Variants in CEP57L1 observed in about 807,000 individuals in gnomAD.
The protein encoded by CEP57L1 is centrosomal protein 57 like 1.
In CEP57L1, 37 loss-of-function variants were observed where a neutral mutation model predicts 61.0. The ratio of observed to expected loss-of-function variants is 0.61; its 90% CI spans 0.47 to 0.80. CEP57L1 has a LOEUF of 0.80. Ranked by LOEUF, CEP57L1 falls within the 30% of genes least tolerant of loss-of-function variation. The pLI is 0.00. For missense variants in CEP57L1, 422 were observed against 524.7 expected (o/e 0.80, Z 1.91); for synonymous variants, 137 against 162.3 (o/e 0.84, Z 1.19).
intron 1 of CEP57L1, among the ~76,000 whole-genome samples, chr6:109,124,431 G>A (rs957137173): frequency 6.6e-6 from 1 of 152,156 alleles, no homozygotes; most frequent in Non-Finnish European, 1.5e-5. Context: ...AAGCAATATA[G>A]TGTGGTGATT....
intron 7 of CEP57L1, chr6:109,157,447 TAGA>T (rs1262746621): frequency 6.6e-6 from 1 of 152,134 alleles, no homozygotes. Context: ...AACAGTATAA[TAGA>T]AGATTAATAG....
At chr6:109,157,968 CA>C (rs1773374796) in intron 7 of CEP57L1, 1 of 152,222 alleles carries the variant, frequency 6.6e-6, no homozygotes, top group African/African-American at 2.4e-5. Context: ...TCTATAGCTA[CA>C]CATCCCCTTC....
rs1772935988 is a variant in CEP57L1, at chr6:109,153,911, G to A, written c.541G>A (p.Glu181Lys). 6.2e-7 allele frequency: 1 copy of A among 1,610,304 alleles called. No individual in the cohort carries two copies. The highest frequency in any genetic ancestry group is 1.3e-5 in the African/African-American group (1 of 74,758). The change falls in exon 5 of 11, where the codon GAG becomes AAG. Residue 181 changes from glutamate (E) to lysine (K), a missense_variant. By Grantham distance (56) the Glu-to-Lys change is moderately conservative. Coordinates refer to ENST00000517392, the MANE Select transcript of CEP57L1 (RefSeq NM_001271852.3). ...TGAAAAGCTTGATGTCTTAGAAAAAGAGTGTTTCAGACTTACAACAACTCA... is the reference window on the plus strand; with the variant it reads ...TGAAAAGCTTGATGTCTTAGAAAAAAAGTGTTTCAGACTTACAACAACTCA... ...KLEKLDVLEKECFRLTTTQKT... is the reference protein window; with the variant it reads ...KLEKLDVLEKKCFRLTTTQKT...
At chr6:109,152,560 C>T (rs766379725) in intron 4 of CEP57L1, among the ~76,000 whole-genome samples, 2 of 152,062 alleles carry the variant, frequency 1.3e-5, no homozygotes, top group East Asian at 1.9e-4. Context: ...TGCTCCCTCA[C>T]GGTTGCCCCT....
Position 109,170,458 on chromosome 6 carries a change from ATTTC to A in CEP57L1, c.*7491_*7494del, listed in dbSNP as rs1774350162. Among the ~76,000 whole-genome samples the A allele has an allele frequency of 1.3e-5, 2 of 152,088 alleles. No homozygotes were observed. The highest frequency in any genetic ancestry group is 2.9e-5 in the Non-Finnish European group (2 of 68,012). ...AGTTAAATGTACATTGACCTTTGGT[ATTTC>A]TTAGAAAAACCTGTTACTGAACCTA... is the stretch of plus-strand genomic sequence containing the variant. On this transcript the variant is annotated 3_prime_UTR_variant, in exon 11 of 11. Coordinates refer to ENST00000517392, the MANE Select transcript of CEP57L1 (RefSeq NM_001271852.3).
intron 1 of CEP57L1, among the ~76,000 whole-genome samples, chr6:109,127,747 A>C (rs1056749855): frequency 6.6e-6 from 1 of 150,494 alleles, no homozygotes; most frequent in Admixed American, 6.6e-5. Flanking sequence ...CAGCCTCCCG[A>C]GTAGCTGGGA....
At chr6:109,102,890 A>G (rs1770491259) in intron 1 of CEP57L1, among the ~76,000 whole-genome samples, 1 of 152,190 alleles carries the variant, frequency 6.6e-6, no homozygotes, top group Non-Finnish European at 1.5e-5. Flanking sequence ...TCTGGAATGT[A>G]TCAGGAAACC....
intron 1 of CEP57L1, among the ~76,000 whole-genome samples, chr6:109,118,027 A>T (rs1772501633): frequency 6.6e-6 from 1 of 152,174 alleles, no homozygotes; most frequent in African/African-American, 2.4e-5. Flanking sequence ...TTTAAGTAAA[A>T]TGTATATAGT....
intron 5 of CEP57L1, among the ~76,000 whole-genome samples, chr6:109,154,897 A>C (rs918850312): frequency 2.6e-5 from 4 of 152,046 alleles, no homozygotes; most frequent in Non-Finnish European, 4.4e-5. Context: ...GAGACCCAAG[A>C]CTATAATTGT....
At chr6:109,131,880 A>G (rs1282902067) in intron 1 of CEP57L1, among the ~76,000 whole-genome samples, 1 of 152,070 alleles carries the variant, frequency 6.6e-6, no homozygotes, top group East Asian at 1.9e-4. Flanking sequence ...GGACAGAGGA[A>G]GTCTGAGCCT....
At chr6:109,146,377 T>C (rs1458671775) in intron 2 of CEP57L1, among the ~76,000 whole-genome samples, 1 of 151,898 alleles carries the variant, frequency 6.6e-6, no homozygotes, top group Non-Finnish European at 1.5e-5. Context: ...TAAACCTAAA[T>C]TGCCATGTTA....
chr6:109,095,322 G>C (rs182654209), upstream of CEP57L1: 1 of 985,944 alleles, frequency 1.0e-6, no homozygotes, highest in East Asian at 1.1e-4. Context: ...GGGCGCGAAG[G>C]GACTCCTGGA....
intron 1 of CEP57L1, among the ~76,000 whole-genome samples, chr6:109,137,255 T>C (rs779394469): frequency 6.6e-6 from 1 of 152,158 alleles, no homozygotes; most frequent in Non-Finnish European, 1.5e-5. Flanking sequence ...TGTAGTTTAG[T>C]ATCCCATCCT....
At chr6:109,159,861 T>C (rs1406823289) in intron 9 of CEP57L1, among the ~76,000 whole-genome samples, 1 of 152,202 alleles carries the variant, frequency 6.6e-6, no homozygotes, top group Non-Finnish European at 1.5e-5. Context: ...CAGGATCTGA[T>C]GACCTTAGAT....
Position 109,167,672 on chromosome 6 carries a change from G to GC in CEP57L1, c.*4704dup, listed in dbSNP as rs1021945269. 1.3e-5 allele frequency among the ~76,000 whole-genome samples: 2 copies of GC among 149,030 alleles called. No individual in the cohort carries two copies. Among genetic ancestry groups the GC allele is most frequent in the African/African-American group, 5.0e-5 (2 of 39,796 alleles). ...AGCCTGGGCAACAGAGCAAGACTCT[G>GC]CCTCAAAGCAAAAAAAAAAAGAAAA... On this transcript the variant is annotated 3_prime_UTR_variant, in exon 11 of 11. Transcript: ENST00000517392.
At chr6:109,095,437 G>A (rs1413330092), upstream of CEP57L1, 4 of 985,846 alleles carry the variant, frequency 4.1e-6, no homozygotes, top group Non-Finnish European at 4.8e-6. Context: ...TTGACTTGTG[G>A]GGAATGTAGT....
intron 1 of CEP57L1, chr6:109,129,615 T>C (rs1773958812): frequency 9.3e-6 from 4 of 430,672 alleles, no homozygotes; most frequent in Non-Finnish European, 9.3e-6. Context: ...CTTACAGAGG[T>C]GTGGCTAATT....
intron 1 of CEP57L1, among the ~76,000 whole-genome samples, chr6:109,123,482 C>A (rs1388303473): frequency 6.6e-6 from 1 of 152,148 alleles, no homozygotes; most frequent in Non-Finnish European, 1.5e-5. Flanking sequence ...GTGGCTCAAT[C>A]AATGCATGTA....
intron 1 of CEP57L1, among the ~76,000 whole-genome samples, chr6:109,097,508 A>C (rs1781844960): frequency 6.6e-6 from 1 of 152,182 alleles, no homozygotes. Flanking sequence ...TTTTTCAGTC[A>C]TTGGTTCTCA....
Sources: allele counts gnomAD v4.1 joint callset (sites outside exome capture counted in the v4.1 genomes callset), GRCh38; gene constraint gnomAD v4.1.1; transcripts MANE v1.5; gene names NCBI Gene and HGNC (gene_info 2026-07-23, HGNC 2026-07-21).